The following P3H2 variants were observed in gnomAD, a reference collection of about 807,000 sequenced individuals.
P3H2 encodes the protein prolyl 3-hydroxylase 2.
Under a neutral mutation model 87.0 loss-of-function variants are expected in P3H2, and 80 were observed. The observed-to-expected ratio is 0.92, with a 90% confidence interval of 0.77 to 1.11. P3H2 has a LOEUF of 1.11. Among genes scored for constraint, P3H2 ranks in the 50% least tolerant of loss-of-function variants. The pLI is 0.00. For missense variants in P3H2, 1,001 were observed against 923.9 expected (o/e 1.08, Z -1.08); for synonymous variants, 367 against 359.3 (o/e 1.02, Z -0.24).
chr3:190,026,772 T>A (rs1040225687), intron 1 of P3H2, among the ~76,000 whole-genome samples: 10 of 152,308 alleles, frequency 6.6e-5, no homozygotes, highest in African/African-American at 2.4e-4. Context: ...ACCCTCCCTT[T>A]CTGGTAACAT....
intron 1 of P3H2, among the ~76,000 whole-genome samples, chr3:190,096,643 C>A (rs1727597371): frequency 2.0e-5 from 3 of 152,186 alleles, no homozygotes; most frequent in Non-Finnish European, 4.4e-5. Context: ...AGCTTTTGGG[C>A]AATCCCACAT....
intron 1 of P3H2, among the ~76,000 whole-genome samples, chr3:190,065,457 G>A (rs148189726): frequency 3.2e-3 from 490 of 152,146 alleles, no homozygotes; most frequent in Middle Eastern, 6.8e-3. Flanking sequence ...CTTTATATGA[G>A]AAATAAACTT....
chr3:189,964,587 G>A (rs1722920738), intron 13 of P3H2, among the ~76,000 whole-genome samples: 1 of 152,214 alleles, frequency 6.6e-6, no homozygotes, highest in Non-Finnish European at 1.5e-5. Context: ...TTTTTAAATT[G>A]TACATTCATG....
At chr3:189,974,194 TTTTATTATCAAA>T (rs1723275765) in intron 9 of P3H2, 190 bp from the exon 10 acceptor site, 4 of 614,992 alleles carry the variant, frequency 6.5e-6, no homozygotes, top group Non-Finnish European at 1.1e-5. Flanking sequence ...CATTCTACAT[TTTTATTATCAAA>T]TACTGTCACT....
Position 190,120,631 on chromosome 3 carries a change from A to G in P3H2, c.101T>C (p.Leu34Pro). The G allele has an allele frequency of 1.3e-6, 2 of 1,531,284 alleles. No homozygotes were observed. Among genetic ancestry groups the G allele is most frequent in the Non-Finnish European group, 1.7e-6 (2 of 1,147,270 alleles). 94.9% of individuals were successfully genotyped at this position (1,531,284 alleles called of 1,614,324 possible). The change falls in exon 1 of 15, where the codon CTG becomes CCG. Residue 34 changes from leucine to proline, a missense_variant. Physicochemically the swap from Leu to Pro is moderately conservative, Grantham distance 98. Transcript: ENST00000319332. ...GGPPDSPRRE[L>P]ELEPGPLQPF... ...CTGCAGAGGCCCGGGCTCCAGCTCC[A>G]GCTCCCGGCGTGGGCTGTCCGGGGG...
At chr3:190,055,683 G>T (rs1253846414) in intron 1 of P3H2, among the ~76,000 whole-genome samples, 1 of 152,152 alleles carries the variant, frequency 6.6e-6, no homozygotes, top group East Asian at 1.9e-4. Flanking sequence ...TGTGGGCCTT[G>T]AGGCAAGTAC....
intron 2 of P3H2, 68 bp downstream of exon 2, chr3:189,995,222 C>A: frequency 6.8e-7 from 1 of 1,460,248 alleles, no homozygotes; most frequent in Non-Finnish European, 9.6e-7. Flanking sequence ...TAGAAATTTG[C>A]TGTGACTCAG....
chr3:190,006,844 A>G (rs917440536), intron 1 of P3H2, among the ~76,000 whole-genome samples: 1 of 152,162 alleles, frequency 6.6e-6, no homozygotes, highest in African/African-American at 2.4e-5. Context: ...CTCATGTGGA[A>G]GGTTTCGATT....
chr3:189,984,906 A>G (rs747491264), intron 6 of P3H2, among the ~76,000 whole-genome samples: 22 of 152,154 alleles, frequency 1.4e-4, no homozygotes, highest in Non-Finnish European at 2.6e-4. Context: ...TTGAAAGATC[A>G]TTCAGTTCAA....
Position 189,972,923 on chromosome 3 carries a change from T to C in P3H2, c.1650A>G (p.Ser550=). 1 of 1,613,982 alleles carries C rather than the reference T, an allele frequency of 6.2e-7. No individual in the cohort carries two copies. Among genetic ancestry groups the C allele is most frequent in the Non-Finnish European group, 8.5e-7 (1 of 1,179,972 alleles). The change falls in exon 11 of 15, where the codon TCA becomes TCG. Residue 550 remains serine (S), a synonymous_variant. Transcript: ENST00000319332. ...TGTGTGTATAGGAAAAATACAGAGT[T>C]GAGTTCAGCATAAAATAAGATTCTA... ...RIVESYFMLN[S]TLYFSYTHMV...
chr3:190,010,771 A>G (rs1450969725), intron 1 of P3H2, among the ~76,000 whole-genome samples: 3 of 152,352 alleles, frequency 2.0e-5, no homozygotes, highest in Non-Finnish European at 4.4e-5. Context: ...GTTTGGCATC[A>G]GTAGCTTCAT....
intron 1 of P3H2, among the ~76,000 whole-genome samples, chr3:190,067,624 C>T (rs1726554014): frequency 6.6e-6 from 1 of 152,150 alleles, no homozygotes; most frequent in African/African-American, 2.4e-5. Context: ...ACCTCCCCTC[C>T]AGCCATAAAA....
chr3:189,979,691 G>A (rs561211586), intron 8 of P3H2, among the ~76,000 whole-genome samples: 1 of 152,242 alleles, frequency 6.6e-6, no homozygotes, highest in African/African-American at 2.4e-5. Context: ...GCTGAGCACA[G>A]TGGCTCAGGC....
intron 1 of P3H2, among the ~76,000 whole-genome samples, chr3:190,005,693 A>G (rs1254472107): frequency 6.6e-6 from 1 of 152,200 alleles, no homozygotes; most frequent in Non-Finnish European, 1.5e-5. Flanking sequence ...AGGAGTGGGA[A>G]GATTTACTTC....
chr3:189,973,829 T>C, intron 10 of P3H2, 80 bp downstream of exon 10: 1 of 1,127,140 alleles, frequency 8.9e-7, no homozygotes, highest in Non-Finnish European at 1.4e-6. Context: ...TGGCCACTTT[T>C]TTCTTTCTTA....
chr3:189,970,324 CAT>C (rs1379911616), intron 13 of P3H2, among the ~76,000 whole-genome samples: 2 of 144,598 alleles, frequency 1.4e-5, no homozygotes, highest in African/African-American at 5.1e-5. Flanking sequence ...TATATACACA[CAT>C]ACCTATAGGT....
At chr3:189,963,928 A>G in intron 14 of P3H2, 30 bp downstream of exon 14, 1 of 1,613,762 alleles carries the variant, frequency 6.2e-7, no homozygotes, top group African/African-American at 1.3e-5. Context: ...AGCAAGCCTA[A>G]TTGGCTTTCT....
chr3:190,056,282 T>C (rs990688486), intron 1 of P3H2, among the ~76,000 whole-genome samples: 2 of 152,182 alleles, frequency 1.3e-5, no homozygotes, highest in Non-Finnish European at 2.9e-5. Context: ...CTGTGGTCTT[T>C]GTCCTGGCAG....
chr3:189,988,933 T>A lies in P3H2; in HGVS notation c.929A>T (p.Asp310Val), dbSNP rs780847150. The change falls in exon 4 of 15, where the codon GAT becomes GTT. Residue 310 changes from aspartate to valine, a missense_variant. Physicochemically the swap from Asp to Val is radical, Grantham distance 152. Transcript: ENST00000319332. ...TCGATAGTAGGCAAACTGTAGGTAA[T>A]CATAGTGCAGAGGAAGAAAATTCTC... ...PIENFLPLHYDYLQFAYYRVG... is the reference protein window; with the variant it reads ...PIENFLPLHYVYLQFAYYRVG... The A allele has an allele frequency of 1.2e-6, 2 of 1,613,948 alleles. No individual in the cohort carries two copies. The highest frequency in any genetic ancestry group is 1.7e-6 in the Non-Finnish European group (2 of 1,179,990).
Sources: allele counts gnomAD v4.1 joint callset (sites outside exome capture counted in the v4.1 genomes callset), GRCh38; gene constraint gnomAD v4.1.1; transcripts MANE v1.5; gene names NCBI Gene and HGNC (gene_info 2026-07-23, HGNC 2026-07-21).